Variants in DYTN observed in about 807,000 individuals in gnomAD.
DYTN encodes the protein dystrotelin.
DYTN carries 75 observed loss-of-function variants against 69.6 expected under a neutral mutation model. That is an observed-to-expected ratio of 1.08 (90% CI 0.89 to 1.31). The LOEUF (loss-of-function observed/expected upper bound fraction) is 1.31, where lower values mean the gene tolerates loss of function less well. Ranked by LOEUF, DYTN falls within the 50% of genes most tolerant of loss-of-function variation. DYTN has a pLI of 0.00. For synonymous variants in DYTN, 252 were observed against 249.1 expected (o/e 1.01, Z -0.11); for missense variants, 726 against 688.4 (o/e 1.05, Z -0.61).
At chr2:206,688,051 T>G (rs1244935091) in intron 9 of DYTN, among the ~76,000 whole-genome samples, 1 of 152,218 alleles carries the variant, frequency 6.6e-6, no homozygotes, top group Non-Finnish European at 1.5e-5. Context: ...TGGAAATGCA[T>G]TAAATTTAAA....
At position 206,699,763 on chromosome 2, in the gene DYTN, C is replaced by A; in HGVS notation, c.683G>T (p.Cys228Phe). 1 of 1,613,712 alleles carries A rather than the reference C, an allele frequency of 6.2e-7. No individual in the cohort carries two copies. Among genetic ancestry groups the A allele is most frequent in the Non-Finnish European group, 8.5e-7 (1 of 1,179,772 alleles). The change falls in exon 7 of 12, where the codon TGC becomes TTC. Residue 228 changes from cysteine to phenylalanine, a missense_variant. Transcript: ENST00000452335. ...AAERVTHPAR[C>F]TLCRTFPITG... Reference sequence around the variant, plus strand: ...GATTGGGAAAGTCCTGCAGAGAGTGCACCGAGCAGGGTGAGTGACCCTTTC... The same window carrying A: ...GATTGGGAAAGTCCTGCAGAGAGTGAACCGAGCAGGGTGAGTGACCCTTTC...
Position 206,707,388 on chromosome 2 carries a change from A to C in DYTN, c.210T>G (p.Phe70Leu). ...CTGGGTTTTCCTCCCTGGCCTTCTG[A>C]AACAGCTCTTGGAGTGCCTGAGAAA... ...QQLSQALQEL[F>L]QKAREENPGQ... Residue 70 changes from phenylalanine to leucine, a missense_variant, in exon 3 of 12, where the codon TTT (phenylalanine) becomes TTG (leucine). Physicochemically the swap from Phe to Leu is conservative, Grantham distance 22. Coordinates refer to ENST00000452335, the MANE Select transcript of DYTN (RefSeq NM_001093730.1). The C allele has an allele frequency of 6.2e-7, 1 of 1,613,244 alleles. No individual in the cohort carries two copies. Among genetic ancestry groups the C allele is most frequent in the Non-Finnish European group, 8.5e-7 (1 of 1,179,694 alleles).
At chr2:206,686,234 A>G (rs6742184) in intron 9 of DYTN, among the ~76,000 whole-genome samples, 13,196 of 152,154 alleles carry the variant, frequency 0.087, 1,896 homozygotes, top group African/African-American at 0.3. Flanking sequence ...AGAACAGGTA[A>G]GTCACAGGAA....
In DYTN at chr2:206,688,840, T is replaced by C. The variant is rs532795905; in HGVS notation, c.980+4335A>G. ...CTTGTATCTTTTTTGTTAAACTTTT[T>C]TGTAGTTTCTTTTAAAAATAATTTT... On this transcript the variant is annotated intron_variant, in intron 9 of 11. Transcript: ENST00000452335. 2.0e-5 allele frequency among the ~76,000 whole-genome samples: 3 copies of C among 152,280 alleles called. No individual in the cohort carries two copies. In the South Asian group the frequency reaches 6.2e-4, roughly 32 times the overall value.
chr2:206,675,692 T>C (rs79260146), intron 9 of DYTN, among the ~76,000 whole-genome samples: 3,859 of 152,300 alleles, frequency 0.025, 60 homozygotes, highest in Non-Finnish European at 0.035. Context: ...ATAGGATTAA[T>C]TTTGGCACCT....
At chr2:206,675,354 T>C (rs1314083648) in intron 9 of DYTN, among the ~76,000 whole-genome samples, 1 of 149,526 alleles carries the variant, frequency 6.7e-6, no homozygotes, top group Non-Finnish European at 1.5e-5. Flanking sequence ...TTTCAGATTG[T>C]GTGATTGTCT....
intron 11 of DYTN, among the ~76,000 whole-genome samples, chr2:206,658,362 G>A (rs1699471870): frequency 1.3e-5 from 2 of 151,766 alleles, no homozygotes; most frequent in African/African-American, 4.8e-5. Context: ...CTTCTTTGTT[G>A]GACTATGTTT....
At chr2:206,685,467 A>G (rs1380131078) in intron 9 of DYTN, among the ~76,000 whole-genome samples, 2 of 152,074 alleles carry the variant, frequency 1.3e-5, no homozygotes, top group Non-Finnish European at 2.9e-5. Context: ...CTGGTCACAT[A>G]GCTTATTTTT....
At chr2:206,691,150 C>T (rs766725275) in intron 9 of DYTN, among the ~76,000 whole-genome samples, 4 of 152,124 alleles carry the variant, frequency 2.6e-5, no homozygotes, top group African/African-American at 7.2e-5. Flanking sequence ...CGGTGGCTCA[C>T]ACCTGTAATC....
Position 206,663,129 on chromosome 2 carries a change from T to C in DYTN, c.1407A>G (p.Thr469=). ...TAATGACTTTCTGTGGCATCTTTTG[T>C]GTTTGGCTTTGTGCCCTGGTGCTGT... The part of the protein sequence containing the change: ...TLHSTRAQSQ[T]QKMPQKVISA... Residue 469 remains threonine (T), a synonymous_variant, in exon 11 of 12, where the codon ACA becomes ACG. Transcript: ENST00000452335. 6.2e-7 allele frequency: 1 copy of C among 1,613,894 alleles called. No individual in the cohort carries two copies. Among genetic ancestry groups the C allele is most frequent in the Non-Finnish European group, 8.5e-7 (1 of 1,179,874 alleles).
At chr2:206,707,790 T>A (rs557457246) in intron 2 of DYTN, among the ~76,000 whole-genome samples, 9 of 152,174 alleles carry the variant, frequency 5.9e-5, no homozygotes, top group Non-Finnish European at 1.0e-4. Context: ...TAGAAAGAAG[T>A]TAAAAAGGGA....
chr2:206,666,962 T>C (rs1699579044), intron 9 of DYTN, among the ~76,000 whole-genome samples: 1 of 152,030 alleles, frequency 6.6e-6, no homozygotes, highest in African/African-American at 2.4e-5. Flanking sequence ...AGAGGATCAC[T>C]TGAGCCCAGG....
rs2105900723 is a variant in DYTN at position 206,704,920 on chromosome 2, T to A, written c.406A>T (p.Asn136Tyr). ...YRALFQLYAENSRGGYDSGPR... is the reference protein window; with the variant it reads ...YRALFQLYAEYSRGGYDSGPR... ...CCAGAATCATAGCCTCCCCTGCTAT[T>A]TTCTGCATAGAGTTGAAAAAGAGCT... Residue 136 changes from asparagine (N) to tyrosine (Y), a missense_variant, in exon 5 of 12, where the codon AAT becomes TAT. Physicochemically the swap from Asn to Tyr is moderately radical, Grantham distance 143. Transcript: ENST00000452335. 1 of 1,613,758 alleles carries A rather than the reference T, an allele frequency of 6.2e-7. No homozygotes were observed. Among genetic ancestry groups the A allele is most frequent in the East Asian group, 2.2e-5 (1 of 44,852 alleles).
intron 9 of DYTN, 39 bp downstream of exon 9, chr2:206,693,136 G>C: frequency 6.4e-7 from 1 of 1,567,628 alleles, no homozygotes; most frequent in Non-Finnish European, 8.6e-7. Context: ...GCCCTTGGTG[G>C]CTGCTCTGTG....
chr2:206,658,064 T>C (rs923086340), intron 11 of DYTN, among the ~76,000 whole-genome samples: 1 of 152,126 alleles, frequency 6.6e-6, no homozygotes, highest in African/African-American at 2.4e-5. Context: ...TTTTCCCTTC[T>C]TGTCAGATAA....
intron 9 of DYTN, among the ~76,000 whole-genome samples, chr2:206,681,688 G>A (rs930495047): frequency 6.6e-6 from 1 of 152,132 alleles, no homozygotes; most frequent in Non-Finnish European, 1.5e-5. Context: ...TTATTGCTTT[G>A]TGTATGTTGA....
intron 5 of DYTN, among the ~76,000 whole-genome samples, chr2:206,700,862 T>A (rs919718499): frequency 6.6e-6 from 1 of 152,190 alleles, no homozygotes; most frequent in Non-Finnish European, 1.5e-5. Context: ...ACATGCAGTG[T>A]TTGGTTTTCT....
intron 9 of DYTN, among the ~76,000 whole-genome samples, chr2:206,683,104 G>C (rs879727657): frequency 6.6e-6 from 1 of 152,126 alleles, no homozygotes; most frequent in Admixed American, 6.5e-5. Flanking sequence ...GAAATTTTAA[G>C]TTAAAATTTG....
chr2:206,715,009 T>C (rs1418129882), intron 1 of DYTN, among the ~76,000 whole-genome samples: 1 of 152,040 alleles, frequency 6.6e-6, no homozygotes, highest in Non-Finnish European at 1.5e-5. Flanking sequence ...ACTTAGTGCA[T>C]GTTGAAGGAA....
Sources: gnomAD v4.1 joint callset for allele counts (sites outside exome capture counted in the v4.1 genomes callset) on GRCh38, gnomAD v4.1.1 for gene constraint, MANE v1.5 for transcripts, NCBI Gene and HGNC (gene_info 2026-07-23, HGNC 2026-07-21) for gene names.